ITGB5: variants seen among roughly 807,000 people sequenced by gnomAD.
ITGB5 encodes integrin subunit beta 5.
A neutral mutation model predicts 84.8 loss-of-function variants in ITGB5; 38 were observed. That is an observed-to-expected ratio of 0.45 (90% CI 0.35 to 0.59). The LOEUF is 0.59. Among genes scored for constraint, ITGB5 ranks in the 20% least tolerant of loss-of-function variants. The pLI is 0.01. For missense variants in ITGB5, 905 were observed against 1,034.5 expected, an observed-to-expected ratio of 0.87 and a Z score of 1.72; for synonymous variants, 393 against 414.4, an observed-to-expected ratio of 0.95 and a Z score of 0.63.
At chr3:124,889,545 G>T (rs538507654), upstream of ITGB5, among the ~76,000 whole-genome samples, 137 of 152,294 alleles carry the variant, frequency 9.0e-4, 1 homozygote, top group African/African-American at 3.2e-3. Context: ...AATTGACTGA[G>T]ACTGGTCTCA....
intron 12 of ITGB5, 96 bp from the exon 13 acceptor site, chr3:124,766,441 A>C: frequency 1.4e-6 from 2 of 1,469,742 alleles, no homozygotes; most frequent in Non-Finnish European, 1.9e-6. Context: ...GAAAAAGGAA[A>C]GGGCATGGGG....
At chr3:124,890,964 C>T (rs914782120), upstream of ITGB5, among the ~76,000 whole-genome samples, 1 of 151,884 alleles carries the variant, frequency 6.6e-6, no homozygotes, top group Non-Finnish European at 1.5e-5. Flanking sequence ...ACTGATTGCT[C>T]ACCTCGAGGC....
At chr3:124,802,056 T>C (rs1210808329) in intron 9 of ITGB5, among the ~76,000 whole-genome samples, 2 of 152,224 alleles carry the variant, frequency 1.3e-5, no homozygotes, top group Non-Finnish European at 2.9e-5. Flanking sequence ...TCTGCAGTGC[T>C]GGGCCCTTCT....
upstream of ITGB5, chr3:124,887,878 G>A: frequency 7.6e-6 from 2 of 264,180 alleles, no homozygotes; most frequent in South Asian, 3.3e-5. Context: ...GGGCGTGGTG[G>A]GGCGTGGAGG....
chr3:124,809,362 A>G (rs1418370539), intron 8 of ITGB5: 3 of 558,088 alleles, frequency 5.4e-6, no homozygotes, highest in Non-Finnish European at 9.5e-6. Flanking sequence ...ACCCAGCCTG[A>G]GGTCTCCCTC....
In ITGB5 at chr3:124,815,414, C is replaced by T. The variant is rs372154698; in HGVS notation, c.1128+2207G>A. 2.0e-4 allele frequency among the ~76,000 whole-genome samples: 30 copies of T among 152,334 alleles called. 2 individuals are homozygous for T. The East Asian group carries it at 3.3e-3, about 17-fold the overall frequency. On this transcript the variant is annotated intron_variant, in intron 8 of 14. Transcript: ENST00000296181. ...ATGAAATGCTGACAAGTGGCCCCTC[C>T]GCAGAAGCCTTAAAGAGGGACCTCA...
At chr3:124,824,472 A>C (rs2064754156) in intron 5 of ITGB5, among the ~76,000 whole-genome samples, 1 of 152,238 alleles carries the variant, frequency 6.6e-6, no homozygotes, top group Non-Finnish European at 1.5e-5. Context: ...ACTGTGACAT[A>C]GGCAAAGATT....
intron 10 of ITGB5, among the ~76,000 whole-genome samples, chr3:124,775,635 ATT>A (rs1312716130): frequency 1.3e-5 from 2 of 152,134 alleles, no homozygotes; most frequent in African/African-American, 4.8e-5. Flanking sequence ...CAAGAGTTTC[ATT>A]TGCTGAGCAC....
intron 5 of ITGB5, among the ~76,000 whole-genome samples, chr3:124,833,473 T>A (rs1200271536): frequency 1.3e-5 from 2 of 152,222 alleles, no homozygotes; most frequent in African/African-American, 4.8e-5. Context: ...GATAGAGACT[T>A]CTCATCTATC....
intron 4 of ITGB5, among the ~76,000 whole-genome samples, chr3:124,843,021 G>A (rs889823084): frequency 2.0e-5 from 3 of 152,112 alleles, no homozygotes; most frequent in Non-Finnish European, 2.9e-5. Flanking sequence ...GGCAGCGATG[G>A]GATCTCCCTG....
intron 10 of ITGB5, among the ~76,000 whole-genome samples, chr3:124,780,895 T>C (rs910969459): frequency 1.3e-5 from 2 of 152,112 alleles, no homozygotes; most frequent in Non-Finnish European, 2.9e-5. Context: ...AATTTCCCTA[T>C]CATCACCCAA....
chr3:124,765,916 C>A (rs893736567), intron 13 of ITGB5, among the ~76,000 whole-genome samples: 3 of 151,852 alleles, frequency 2.0e-5, no homozygotes, highest in Admixed American at 2.0e-4. Flanking sequence ...AAAATTAGCC[C>A]GGTGTGGTGG....
chr3:124,775,761 C>T (rs1012773848), intron 10 of ITGB5, among the ~76,000 whole-genome samples: 5 of 152,190 alleles, frequency 3.3e-5, no homozygotes, highest in South Asian at 2.1e-4. Context: ...CTTCCCTGGA[C>T]GACCAATGTG....
chr3:124,766,219 C>T lies in ITGB5; in HGVS notation c.2137+7G>A. On this transcript the variant is annotated splice_region_variant and intron_variant, in intron 13 of 14. Transcript: ENST00000296181. ...GAGTGGGCCGAGCCCTTGCAGCCCT[C>T]ACCTACCTGGCTCCCTGAGGACGGT... is the stretch of plus-strand genomic sequence containing the variant. 2 of 1,612,844 alleles carry T rather than the reference C, an allele frequency of 1.2e-6. No individual in the cohort carries two copies. The highest frequency in any genetic ancestry group is 1.7e-6 in the Non-Finnish European group (2 of 1,179,538).
intron 10 of ITGB5, among the ~76,000 whole-genome samples, chr3:124,778,494 A>G (rs1424410132): frequency 6.6e-6 from 1 of 152,208 alleles, no homozygotes; most frequent in Non-Finnish European, 1.5e-5. Context: ...AAGCCCCAGC[A>G]TCGACGCTCT....
chr3:124,898,643 CAAAAA>C (rs68025034), intron 1 of ITGB5, among the ~76,000 whole-genome samples: 3,737 of 28,548 alleles, frequency 0.13, 40 homozygotes, highest in Admixed American at 0.19. Flanking sequence ...GACTCCGTCT[CAAAAA>C]AAAAAAAAAA....
At chr3:124,868,092 C>T (rs2065419173) in intron 2 of ITGB5, among the ~76,000 whole-genome samples, 2 of 152,126 alleles carry the variant, frequency 1.3e-5, no homozygotes, top group African/African-American at 4.8e-5. Context: ...TTCCTGACAC[C>T]TTGTGAAGAA....
In ITGB5 at chr3:124,796,489, T is replaced by C; in HGVS notation, c.1592A>G (p.Asn531Ser). The C allele has an allele frequency of 1.2e-6, 2 of 1,614,088 alleles. No homozygotes were observed. Among genetic ancestry groups the C allele is most frequent in the South Asian group, 1.1e-5 (1 of 91,086 alleles). The change falls in exon 10 of 15, where the codon AAC (asparagine) becomes AGC (serine). Residue 531 changes from asparagine to serine, a missense_variant. Around this residue, in one of 3 missense-constraint regions of ITGB5, gnomAD observed 656 missense variants for 734.7 expected, o/e 0.89. Transcript: ENST00000296181. ...CTCGCTCTCGAAGCAGGAGCACTGG[T>C]TGCAGCTGCAGTCCCCACGCCCGCT... is the stretch of plus-strand genomic sequence containing the variant. ...LCSGRGDCSC[N>S]QCSCFESEFG...
chr3:124,855,629 C>T (rs1027696611), intron 3 of ITGB5, among the ~76,000 whole-genome samples: 2 of 152,202 alleles, frequency 1.3e-5, no homozygotes, highest in African/African-American at 4.8e-5. Context: ...GTCTTCATCT[C>T]TTCAGACTGA....
Sources: gnomAD v4.1 joint callset for allele counts (sites outside exome capture counted in the v4.1 genomes callset) on GRCh38, gnomAD v4.1.1 for gene constraint, gnomAD v4.1.1 regional missense constraint, MANE v1.5 for transcripts, NCBI Gene and HGNC (gene_info 2026-07-23, HGNC 2026-07-21) for gene names.